The following CSNK2A2IP variants were observed in gnomAD, a reference collection of about 807,000 sequenced individuals.
The protein encoded by CSNK2A2IP is casein kinase II subunit alpha'-interacting protein.
At chr3:88,420,332 T>A in the CSNK2A2IP span, among the ~76,000 whole-genome samples, 1 of 152,156 alleles carries the variant, frequency 6.6e-6, no homozygotes, top group Non-Finnish European at 1.5e-5. Context: ...CCATTTATCT[T>A]GCATCTGGCT....
chr3:88,362,254 A>G, the CSNK2A2IP span, among the ~76,000 whole-genome samples: 1 of 152,122 alleles, frequency 6.6e-6, no homozygotes, highest in Non-Finnish European at 1.5e-5. Flanking sequence ...GAGAGCTTTC[A>G]GAGAATTTAA....
chr3:88,430,772 C>T, the CSNK2A2IP span, among the ~76,000 whole-genome samples: 6 of 151,908 alleles, frequency 3.9e-5, no homozygotes, highest in Non-Finnish European at 5.9e-5. Flanking sequence ...TCAAAAACAA[C>T]ATGGAAAAAA....
the CSNK2A2IP span, chr3:88,382,750 C>T: frequency 6.6e-6 from 1 of 152,152 alleles, no homozygotes; most frequent in African/African-American, 2.4e-5. Flanking sequence ...ATCTGTCCCC[C>T]TGATTGAAGC....
chr3:88,403,617 G>A, the CSNK2A2IP span, among the ~76,000 whole-genome samples: 1 of 151,980 alleles, frequency 6.6e-6, no homozygotes, highest in Non-Finnish European at 1.5e-5. Flanking sequence ...CATTTAAAGA[G>A]CTTTTATTAT....
chr3:88,444,258 G>A, the CSNK2A2IP span, among the ~76,000 whole-genome samples: 1 of 134,658 alleles, frequency 7.4e-6, no homozygotes, highest in African/African-American at 2.4e-5. Flanking sequence ...AAAATAAAGG[G>A]TACAAAAATT....
At chr3:88,441,629 A>C in the CSNK2A2IP span, among the ~76,000 whole-genome samples, 1 of 152,274 alleles carries the variant, frequency 6.6e-6, no homozygotes, top group South Asian at 2.1e-4. Context: ...TTAGAAGGTA[A>C]TCTTAGAGAA....
chr3:88,366,538 A>G, the CSNK2A2IP span, among the ~76,000 whole-genome samples: 1 of 152,158 alleles, frequency 6.6e-6, no homozygotes, highest in Non-Finnish European at 1.5e-5. Flanking sequence ...TCCTCAAGCT[A>G]TAATTCTGTG....
chr3:88,465,835 A>T, the CSNK2A2IP span: 5 of 1,231,548 alleles, frequency 4.1e-6, no homozygotes, highest in Non-Finnish European at 5.1e-6. Context: ...ACCTCAAACA[A>T]CATCTTCAAG....
chr3:88,362,631 C>G, the CSNK2A2IP span, among the ~76,000 whole-genome samples: 1 of 152,170 alleles, frequency 6.6e-6, no homozygotes, highest in East Asian at 1.9e-4. Flanking sequence ...CCTGGCTGCT[C>G]CTGATGTTTA....
the CSNK2A2IP span, among the ~76,000 whole-genome samples, chr3:88,350,929 G>A: frequency 2.0e-4 from 30 of 152,080 alleles, no homozygotes; most frequent in Non-Finnish European, 4.1e-4. Context: ...CACATTTTTA[G>A]GATCCAAAGA....
the CSNK2A2IP span, among the ~76,000 whole-genome samples, chr3:88,389,235 T>A: frequency 9.1e-3 from 1,355 of 148,990 alleles, 2 homozygotes; most frequent in Non-Finnish European, 0.014. Context: ...ACATTTAATT[T>A]AAAAAAAAAA....
the CSNK2A2IP span, among the ~76,000 whole-genome samples, chr3:88,400,988 CA>C: frequency 6.6e-6 from 1 of 152,026 alleles, no homozygotes; most frequent in African/African-American, 2.4e-5. Context: ...AGAAGAATAA[CA>C]GAAGATGAAT....
At chr3:88,358,949 C>T in the CSNK2A2IP span, among the ~76,000 whole-genome samples, 2 of 147,418 alleles carry the variant, frequency 1.4e-5, no homozygotes, top group African/African-American at 5.0e-5. Context: ...AGCAGTGAGG[C>T]TATCGGCTCC....
the CSNK2A2IP span, among the ~76,000 whole-genome samples, chr3:88,355,291 A>T: frequency 6.6e-6 from 1 of 152,184 alleles, no homozygotes; most frequent in Non-Finnish European, 1.5e-5. Context: ...TTGGGTACAC[A>T]GAATGAAGAA....
chr3:88,365,138 G>A, the CSNK2A2IP span, among the ~76,000 whole-genome samples: 6 of 152,238 alleles, frequency 3.9e-5, no homozygotes, highest in East Asian at 3.9e-4. Flanking sequence ...TATTGCCAAC[G>A]AGTTTAAAAT....
At chr3:88,425,854 GTAT>G in the CSNK2A2IP span, among the ~76,000 whole-genome samples, 1 of 151,988 alleles carries the variant, frequency 6.6e-6, no homozygotes. Flanking sequence ...TACATTCTTT[GTAT>G]TATGCTAGAT....
the CSNK2A2IP span, among the ~76,000 whole-genome samples, chr3:88,374,353 G>A: frequency 6.6e-6 from 1 of 151,694 alleles, no homozygotes; most frequent in East Asian, 1.9e-4. Context: ...TTGCCAGCTG[G>A]ACGTTTGATG....
chr3:88,422,904 A>T, the CSNK2A2IP span, among the ~76,000 whole-genome samples: 2 of 152,162 alleles, frequency 1.3e-5, no homozygotes, highest in South Asian at 4.1e-4. Flanking sequence ...TACTGTGTAC[A>T]GTTTTAGTAT....
the CSNK2A2IP span, among the ~76,000 whole-genome samples, chr3:88,385,242 G>A: frequency 2.6e-5 from 4 of 152,142 alleles, no homozygotes; most frequent in Non-Finnish European, 4.4e-5. Context: ...GCGGTGAGGC[G>A]GGAGGAAAAC....
Sources: gnomAD v4.1 joint callset for allele counts (sites outside exome capture counted in the v4.1 genomes callset) on GRCh38, gnomAD v4.1.1 for gene constraint, MANE v1.5 for transcripts, NCBI Gene and HGNC (gene_info 2026-07-23, HGNC 2026-07-21) for gene names.